Variants in STX18 observed in about 807,000 individuals in gnomAD.
STX18 encodes syntaxin-18.
A neutral mutation model predicts 50.1 loss-of-function variants in STX18; 40 were observed. The observed-to-expected ratio is 0.80, with a 90% CI of 0.62 to 1.04. The LOEUF is 1.04. Among genes scored for constraint, STX18 ranks in the 50% least tolerant of loss-of-function variants. STX18 has a pLI of 0.00. For missense variants in STX18, 410 were observed against 415.8 expected (o/e 0.99, Z 0.12); for synonymous variants, 158 against 151.8 (o/e 1.04, Z -0.30).
intron 1 of STX18, among the ~76,000 whole-genome samples, chr4:4,509,835 G>A (rs983785339): frequency 6.6e-6 from 1 of 152,046 alleles, no homozygotes; most frequent in Non-Finnish European, 1.5e-5. Context: ...AAGTTATGCA[G>A]GCAGGTATCT....
intron 6 of STX18, chr4:4,437,730 G>C (rs1725862614): frequency 1.8e-6 from 1 of 558,698 alleles, no homozygotes; most frequent in South Asian, 7.8e-5. Flanking sequence ...TTCACACAAA[G>C]AACCCTGCTC....
At chr4:4,529,159 C>T (rs992837235) in intron 1 of STX18, among the ~76,000 whole-genome samples, 4 of 152,040 alleles carry the variant, frequency 2.6e-5, no homozygotes, top group South Asian at 2.1e-4. Flanking sequence ...GTCAGGAGAT[C>T]GAGACTATCC....
At position 4,542,015 on chromosome 4, in the gene STX18, G is replaced by A. The variant is rs755224962; in HGVS notation, c.-51C>T. Reference sequence around the variant, plus strand: ...CTAGGCCCGCCCACGTAAGCAGCCGGCGACCGCGGCGCGAACCCGGCCGCT... The same window carrying A: ...CTAGGCCCGCCCACGTAAGCAGCCGACGACCGCGGCGCGAACCCGGCCGCT... On this transcript the variant is annotated 5_prime_UTR_variant, in exon 1 of 11. Coordinates refer to ENST00000306200, the MANE Select transcript of STX18 (RefSeq NM_016930.4). The A allele has an allele frequency of 1.5e-5, 22 of 1,492,898 alleles. No homozygotes were observed. The highest frequency in any genetic ancestry group is 4.3e-5 in the African/African-American group (3 of 69,304). The allele number at this position is 1,492,898 out of a possible 1,614,324, so 92.5% of individuals were successfully genotyped here.
At position 4,542,025 on chromosome 4, in the gene STX18, C is replaced by A; in HGVS notation, c.-61G>T. ...CCACGTAAGCAGCCGGCGACCGCGGCGCGAACCCGGCCGCTGAAGGACTGG... is the reference window on the plus strand; with the variant it reads ...CCACGTAAGCAGCCGGCGACCGCGGAGCGAACCCGGCCGCTGAAGGACTGG... On this transcript the variant is annotated 5_prime_UTR_variant, in exon 1 of 11. Transcript: ENST00000306200. The A allele has an allele frequency of 1.4e-6, 2 of 1,477,352 alleles. No individual in the cohort carries two copies. Among genetic ancestry groups the A allele is most frequent in the East Asian group, 2.7e-5 (1 of 36,956 alleles). 91.5% of individuals were successfully genotyped at this position (1,477,352 alleles called of 1,614,324 possible). A position where few individuals can be genotyped will look rare whatever the true frequency, so the allele number is the denominator to read the frequency against.
chr4:4,436,408 C>T (rs907629295), intron 6 of STX18, among the ~76,000 whole-genome samples: 5 of 151,832 alleles, frequency 3.3e-5, no homozygotes, highest in African/African-American at 1.2e-4. Context: ...ATCTACCCCC[C>T]ACCCCCACCT....
intron 5 of STX18, among the ~76,000 whole-genome samples, chr4:4,454,049 T>C (rs1487891042): frequency 6.6e-6 from 1 of 152,260 alleles, no homozygotes; most frequent in Non-Finnish European, 1.5e-5. Context: ...GGACAGAGTA[T>C]AGACAAGCTC....
At chr4:4,510,518 G>C (rs1159926243) in intron 1 of STX18, among the ~76,000 whole-genome samples, 2 of 152,170 alleles carry the variant, frequency 1.3e-5, no homozygotes, top group Non-Finnish European at 2.9e-5. Context: ...TGCTGGAGAG[G>C]CTGTGGAGAA....
chr4:4,461,553 C>T (rs1203417284), intron 2 of STX18, among the ~76,000 whole-genome samples: 1 of 152,194 alleles, frequency 6.6e-6, no homozygotes, highest in Non-Finnish European at 1.5e-5. Context: ...AGTATTTCTA[C>T]ACATATTCTT....
chr4:4,540,728 C>T lies in STX18; in HGVS notation c.168+1069G>A, dbSNP rs562087445. On this transcript the variant is annotated intron_variant, in intron 1 of 10. Coordinates refer to ENST00000306200, the MANE Select transcript of STX18 (RefSeq NM_016930.4). ...GCTTCATAGACGGTCATCAATAGGG[C>T]GAGTGTATTCATCTGGTCCAATCCC... 2.5e-3 allele frequency among the ~76,000 whole-genome samples: 388 copies of T among 152,236 alleles called. 1 individual carries two copies. Among genetic ancestry groups the T allele is most frequent in the Non-Finnish European group, 4.0e-3 (271 of 68,020 alleles).
chr4:4,494,324 C>A (rs1171912059), intron 1 of STX18, among the ~76,000 whole-genome samples: 1 of 152,190 alleles, frequency 6.6e-6, no homozygotes, highest in Non-Finnish European at 1.5e-5. Flanking sequence ...ACTGCATTCC[C>A]TGATCCCTAA....
chr4:4,505,496 G>A (rs767785838), intron 1 of STX18, among the ~76,000 whole-genome samples: 1 of 152,106 alleles, frequency 6.6e-6, no homozygotes, highest in African/African-American at 2.4e-5. Context: ...CTCGAAGTAT[G>A]GGGATGGGTG....
At chr4:4,529,072 A>G (rs1438086447) in intron 1 of STX18, among the ~76,000 whole-genome samples, 1 of 152,204 alleles carries the variant, frequency 6.6e-6, no homozygotes, top group East Asian at 1.9e-4. Context: ...TCTTTAAGAA[A>G]CGCATGGTTG....
intron 1 of STX18, among the ~76,000 whole-genome samples, chr4:4,474,313 C>T (rs1183384028): frequency 1.4e-5 from 2 of 141,678 alleles, no homozygotes; most frequent in African/African-American, 6.1e-5. Context: ...AGAGTCCTCT[C>T]TCTTTCCCCA....
intron 1 of STX18, among the ~76,000 whole-genome samples, chr4:4,495,169 T>C (rs1229980733): frequency 4.6e-5 from 7 of 152,056 alleles, no homozygotes; most frequent in Non-Finnish European, 8.8e-5. Flanking sequence ...ACTTGTAAAA[T>C]AGGAAAGATA....
chr4:4,424,341 G>A (rs1202167818), intron 8 of STX18, among the ~76,000 whole-genome samples: 2 of 152,148 alleles, frequency 1.3e-5, no homozygotes, highest in Admixed American at 6.5e-5. Context: ...TCCTGGCCAG[G>A]TGGAAGCAGT....
chr4:4,505,479 T>A (rs536937639), intron 1 of STX18, among the ~76,000 whole-genome samples: 40 of 152,132 alleles, frequency 2.6e-4, no homozygotes, highest in Middle Eastern at 3.4e-3. Flanking sequence ...AAGATCAAAA[T>A]CCAAAACTCG....
chr4:4,516,493 C>G (rs1381997230), intron 1 of STX18, among the ~76,000 whole-genome samples: 1 of 152,044 alleles, frequency 6.6e-6, no homozygotes, highest in East Asian at 1.9e-4. Flanking sequence ...TCTTTTCCGA[C>G]AGGAATTGGC....
At position 4,459,439 on chromosome 4, in the gene STX18, C is replaced by G. The variant is rs1362848853; in HGVS notation, c.285G>C (p.Gln95His). 2 of 1,614,034 alleles carry G rather than the reference C, an allele frequency of 1.2e-6. No homozygotes were observed. Among genetic ancestry groups the G allele is most frequent in the Non-Finnish European group, 1.7e-6 (2 of 1,180,030 alleles). Residue 95 changes from glutamine (Q) to histidine (H), a missense_variant, in exon 3 of 11, where the codon CAG becomes CAC. Transcript: ENST00000306200. ...TGAATATCTGGGCATCCTGGTCTAT[C>G]TGGTCTCGTTCTGTGTCTGTCATCC... is the stretch of plus-strand genomic sequence containing the variant. ...YGRMTDTERDQIDQDAQIFMR... is the reference protein window; with the variant it reads ...YGRMTDTERDHIDQDAQIFMR...
At chr4:4,446,145 C>T (rs755726224) in intron 5 of STX18, among the ~76,000 whole-genome samples, 1 of 132,246 alleles carries the variant, frequency 7.6e-6, no homozygotes, top group African/African-American at 3.6e-5. Flanking sequence ...TAAACCTCAA[C>T]CCCAGTTATT....
Sources: gnomAD v4.1 joint callset for allele counts (sites outside exome capture counted in the v4.1 genomes callset) on GRCh38, gnomAD v4.1.1 for gene constraint, MANE v1.5 for transcripts, NCBI Gene and HGNC (gene_info 2026-07-23, HGNC 2026-07-21) for gene names.